Variants in MRRF observed in about 807,000 individuals in gnomAD.
The protein encoded by MRRF is mitochondrial ribosome recycling factor, also known as ribosome-recycling factor, mitochondrial.
Under a neutral mutation model 25.1 loss-of-function variants are expected in MRRF, and 18 were observed. The observed-to-expected ratio is 0.72, with a 90% CI of 0.50 to 1.06. The LOEUF (loss-of-function observed/expected upper bound fraction) is 1.06. Among genes scored for constraint, MRRF ranks in the 50% least tolerant of loss-of-function variants. MRRF has a pLI of 0.00. For synonymous variants in MRRF, 113 were observed against 112.1 expected (o/e 1.01, Z -0.05); for missense variants, 323 against 319.3 (o/e 1.01, Z -0.09).
rs1430629417 is a variant in MRRF, at chr9:122,329,945, A to C, written c.*7328A>C. 2 of 152,298 alleles carry C rather than the reference A, an allele frequency of 1.3e-5. No individual in the cohort carries two copies. Among genetic ancestry groups the C allele is most frequent in the Non-Finnish European group, 2.9e-5 (2 of 68,076 alleles). 9.4% of individuals were successfully genotyped at this position (152,298 alleles called of 1,614,324 possible). A position where few individuals can be genotyped will look rare whatever the true frequency, so the allele number is the denominator to read the frequency against. The stretch of plus-strand genomic sequence containing the variant: ...TAAGGGGCCTGCCAGGCCTTGATAC[A>C]AATGGCGTCACATTTACATGAATAA... On this transcript the variant is annotated 3_prime_UTR_variant, in exon 7 of 7. Coordinates refer to ENST00000344641, the MANE Select transcript of MRRF (RefSeq NM_138777.5).
intron 5 of MRRF, 52 bp downstream of exon 5, chr9:122,291,892 G>C: frequency 1.5e-6 from 2 of 1,295,326 alleles, no homozygotes; most frequent in Non-Finnish European, 2.2e-6. Context: ...GGTTGTCCTT[G>C]GAAGGAAACC....
At chr9:122,309,672 G>A (rs1319084943) in intron 5 of MRRF, among the ~76,000 whole-genome samples, 1 of 152,144 alleles carries the variant, frequency 6.6e-6, no homozygotes, top group Non-Finnish European at 1.5e-5. Context: ...GCATGTGTTT[G>A]TGTAATGACT....
At chr9:122,266,666 T>A (rs1832110232) in intron 1 of MRRF, among the ~76,000 whole-genome samples, 1 of 152,212 alleles carries the variant, frequency 6.6e-6, no homozygotes, top group Non-Finnish European at 1.5e-5. Context: ...TGAAAAGAGT[T>A]GCTGGGACAG....
chr9:122,287,371 C>G (rs1401051082), intron 4 of MRRF, among the ~76,000 whole-genome samples: 1 of 152,170 alleles, frequency 6.6e-6, no homozygotes, highest in South Asian at 2.1e-4. Context: ...GGGAGGCACT[C>G]ATTTCTGATG....
intron 1 of MRRF, among the ~76,000 whole-genome samples, chr9:122,265,302 A>G (rs918846243): frequency 6.6e-6 from 1 of 152,234 alleles, no homozygotes; most frequent in Non-Finnish European, 1.5e-5. Flanking sequence ...CGCGGTCAGA[A>G]AGTGAGGGCG....
At chr9:122,272,310 A>G (rs1329852067) in intron 2 of MRRF, among the ~76,000 whole-genome samples, 1 of 152,242 alleles carries the variant, frequency 6.6e-6, no homozygotes, top group East Asian at 1.9e-4. Flanking sequence ...GTTACAGTGC[A>G]TAAGCAGCAT....
At chr9:122,273,564 T>G (rs994747055) in intron 2 of MRRF, among the ~76,000 whole-genome samples, 3 of 152,150 alleles carry the variant, frequency 2.0e-5, no homozygotes, top group Admixed American at 2.0e-4. Context: ...TTGAGTTATA[T>G]ATAAGGAAAA....
At position 122,325,166 on chromosome 9, in the gene MRRF, T is replaced by C. The variant is rs534257501; in HGVS notation, c.*2549T>C. 4.6e-5 allele frequency: 7 copies of C among 152,208 alleles called. No individual in the cohort carries two copies. The highest frequency in any genetic ancestry group is 7.3e-5 in the Non-Finnish European group (5 of 68,046). 9.4% of individuals were successfully genotyped at this position (152,208 alleles called of 1,614,324 possible). A position where few individuals can be genotyped will look rare whatever the true frequency, so the allele number is the denominator to read the frequency against. ...TAGTCTTTAAATAAACAAAAACTTA[T>C]TTGGTGAACAGACAGGGAGGAAAAT... On this transcript the variant is annotated 3_prime_UTR_variant, in exon 7 of 7. Coordinates refer to ENST00000344641, the MANE Select transcript of MRRF (RefSeq NM_138777.5).
Position 122,264,915 on chromosome 9 carries a change from C to T in MRRF, c.-52C>T, listed in dbSNP as rs1334733376. 1 of 153,252 alleles carries T rather than the reference C, an allele frequency of 6.5e-6. No homozygotes were observed. The highest frequency in any genetic ancestry group is 1.5e-5 in the Non-Finnish European group (1 of 68,134). 9.5% of individuals were successfully genotyped at this position (153,252 alleles called of 1,614,324 possible). A position where few individuals can be genotyped will look rare whatever the true frequency, so the allele number is the denominator to read the frequency against. ...GGTCGCCGCCGTCGCACGAGTCTTT[C>T]CTTAGTAACCTGGGCGATAGCTGGT... On this transcript the variant is annotated 5_prime_UTR_variant, in exon 1 of 7. Transcript: ENST00000344641.
chr9:122,321,440 A>G (rs1001050135), intron 6 of MRRF, among the ~76,000 whole-genome samples: 2 of 152,232 alleles, frequency 1.3e-5, no homozygotes, highest in African/African-American at 4.8e-5. Flanking sequence ...ATTATTAAAT[A>G]TAAAGCTGGG....
intron 5 of MRRF, among the ~76,000 whole-genome samples, chr9:122,295,655 A>G (rs1834041547): frequency 6.6e-6 from 1 of 152,128 alleles, no homozygotes; most frequent in South Asian, 2.1e-4. Context: ...CATGTTAGCC[A>G]GGCTGGTCTC....
At chr9:122,297,088 G>A (rs931796305) in intron 5 of MRRF, among the ~76,000 whole-genome samples, 1 of 152,184 alleles carries the variant, frequency 6.6e-6, no homozygotes, top group Non-Finnish European at 1.5e-5. Context: ...GCCGAGGCAG[G>A]CAGATCACAA....
At chr9:122,310,153 A>G (rs1460608574) in intron 5 of MRRF, among the ~76,000 whole-genome samples, 1 of 152,154 alleles carries the variant, frequency 6.6e-6, no homozygotes, top group African/African-American at 2.4e-5. Context: ...TCTGTTTCCA[A>G]ATGAGAAGAG....
At chr9:122,285,136 T>G in intron 3 of MRRF, 33 bp from the exon 4 acceptor site, 2 of 1,413,856 alleles carry the variant, frequency 1.4e-6, no homozygotes, top group Non-Finnish European at 2.0e-6. Context: ...TAAGGTTCTT[T>G]GGAATTCTAA....
intron 5 of MRRF, among the ~76,000 whole-genome samples, chr9:122,298,794 G>A (rs1332671654): frequency 6.6e-6 from 1 of 152,126 alleles, no homozygotes; most frequent in East Asian, 1.9e-4. Context: ...CATATAGTTT[G>A]TATGTGTCGG....
intron 5 of MRRF, among the ~76,000 whole-genome samples, chr9:122,303,935 A>G (rs1834642982): frequency 6.6e-6 from 1 of 152,116 alleles, no homozygotes. Flanking sequence ...ATCTTGTTAC[A>G]GAGTAGTGTC....
Position 122,325,348 on chromosome 9 carries a change from G to A in MRRF, c.*2731G>A, listed in dbSNP as rs574293829. 1 of 152,314 alleles carries A rather than the reference G, an allele frequency of 6.6e-6. No homozygotes were observed. The highest frequency in any genetic ancestry group is 2.4e-5 in the African/African-American group (1 of 41,554). 9.4% of individuals were successfully genotyped at this position (152,314 alleles called of 1,614,324 possible). A position where few individuals can be genotyped will look rare whatever the true frequency, so the allele number is the denominator to read the frequency against. ...GCTTTCAGATGATTACTCAATTTCA[G>A]TTGACATTTATCAAAGAGTTTCTCT... On this transcript the variant is annotated 3_prime_UTR_variant, in exon 7 of 7. Coordinates refer to ENST00000344641, the MANE Select transcript of MRRF (RefSeq NM_138777.5).
At chr9:122,307,082 C>G (rs186868353) in intron 5 of MRRF, among the ~76,000 whole-genome samples, 1 of 152,096 alleles carries the variant, frequency 6.6e-6, no homozygotes, top group Non-Finnish European at 1.5e-5. Flanking sequence ...AGGGTGGTGT[C>G]CCTAGAAGCA....
intron 2 of MRRF, among the ~76,000 whole-genome samples, chr9:122,273,440 CAAAAAAAAAAA>C (rs566027952): frequency 1.4e-5 from 1 of 70,168 alleles, no homozygotes; most frequent in Non-Finnish European, 3.0e-5. Flanking sequence ...GACCCTGTCT[CAAAAAAAAAAA>C]AAAAAAAAGA....
Sources: allele counts gnomAD v4.1 joint callset (sites outside exome capture counted in the v4.1 genomes callset), GRCh38; gene constraint gnomAD v4.1.1; transcripts MANE v1.5; gene names NCBI Gene and HGNC (gene_info 2026-07-23, HGNC 2026-07-21).